Variants in GRM5 observed in about 807,000 individuals in gnomAD.
GRM5 encodes the protein glutamate metabotropic receptor 5.
Under a neutral mutation model 83.1 loss-of-function variants are expected in GRM5, and 19 were observed. That is an observed-to-expected ratio of 0.23 (90% CI 0.16 to 0.34). GRM5 has a LOEUF of 0.34. Ranked by LOEUF, GRM5 falls within the 10% of genes least tolerant of loss-of-function variation. The probability of loss-of-function intolerance (pLI) is 1.00; values close to 1 mark genes in which losing one functional copy is unlikely to be tolerated. For missense variants in GRM5, 1,160 were observed against 1,588.3 expected (o/e 0.73, Z 4.58); for synonymous variants, 675 against 633.6 (o/e 1.07, Z -0.98).
chr11:88,900,794 A>C (rs1440734205), intron 2 of GRM5, among the ~76,000 whole-genome samples: 4 of 152,284 alleles, frequency 2.6e-5, no homozygotes, highest in East Asian at 1.9e-4. Context: ...ATAAATACTA[A>C]GATAGAGGTA....
chr11:88,952,838 G>T (rs1389552064), intron 2 of GRM5, among the ~76,000 whole-genome samples: 1 of 152,092 alleles, frequency 6.6e-6, no homozygotes, highest in Non-Finnish European at 1.5e-5. Flanking sequence ...AACAGGAACA[G>T]ATGTCTATTT....
intron 2 of GRM5, among the ~76,000 whole-genome samples, chr11:88,876,555 G>A (rs1944856421): frequency 6.6e-6 from 1 of 152,102 alleles, no homozygotes. Flanking sequence ...AGACTGGTTA[G>A]TGTATCGGGG....
intron 3 of GRM5, among the ~76,000 whole-genome samples, chr11:88,681,060 G>T (rs16914532): frequency 0.018 from 2,717 of 152,154 alleles, 62 homozygotes; most frequent in East Asian, 0.094. Flanking sequence ...CTACACCTCA[G>T]ATTTTTCCCT....
chr11:89,047,896 T>A lies in GRM5; in HGVS notation c.-24A>T, dbSNP rs1449096689. The A allele has an allele frequency of 1.3e-6, 2 of 1,593,170 alleles. No homozygotes were observed. Among genetic ancestry groups the A allele is most frequent in the South Asian group, 2.2e-5 (2 of 89,730 alleles). On this transcript the variant is annotated 5_prime_UTR_variant, in exon 2 of 10. Transcript: ENST00000305447. The surrounding 1 kb of genome is among the most constrained non-coding windows in gnomAD (Gnocchi z 5.1). Reference sequence around the variant, plus strand: ...ATTTTAGGAAAGGAGTTCAAGCCAATAAAGATAGCATGGTGGGGAAAATTC... The same window carrying A: ...ATTTTAGGAAAGGAGTTCAAGCCAAAAAAGATAGCATGGTGGGGAAAATTC...
chr11:88,694,276 T>G (rs939565401), intron 3 of GRM5, among the ~76,000 whole-genome samples: 1 of 152,224 alleles, frequency 6.6e-6, no homozygotes, highest in African/African-American at 2.4e-5. Flanking sequence ...TATTGTGTTT[T>G]TCTTGAAGTG....
chr11:88,779,513 A>T (rs1172819210), intron 3 of GRM5, among the ~76,000 whole-genome samples: 4 of 152,190 alleles, frequency 2.6e-5, no homozygotes, highest in Non-Finnish European at 4.4e-5. Context: ...ACCCCCAATT[A>T]TCTGAAAATT....
intron 2 of GRM5, among the ~76,000 whole-genome samples, chr11:88,995,559 A>G (rs1423383036): frequency 6.6e-6 from 1 of 150,710 alleles, no homozygotes. Context: ...AAAAAAAAAA[A>G]AAAAAAAAAA....
chr11:89,053,398 A>C (rs1397053179), intron 1 of GRM5, among the ~76,000 whole-genome samples: 1 of 152,204 alleles, frequency 6.6e-6, no homozygotes, highest in Admixed American at 6.5e-5. Flanking sequence ...TTATAAGGTT[A>C]AATAGAAAGT....
At chr11:89,051,972 A>G (rs577544716) in intron 1 of GRM5, among the ~76,000 whole-genome samples, 2 of 152,326 alleles carry the variant, frequency 1.3e-5, no homozygotes, top group South Asian at 2.1e-4. Context: ...GTATTTGCTG[A>G]TAGACTAGAT....
At chr11:88,810,661 G>C (rs567452452) in intron 3 of GRM5, among the ~76,000 whole-genome samples, 1 of 152,154 alleles carries the variant, frequency 6.6e-6, no homozygotes, top group South Asian at 2.1e-4. Flanking sequence ...AGCTTTTACT[G>C]AGAAGCTGTA....
At chr11:88,585,050 G>A (rs1943285997) in intron 7 of GRM5, among the ~76,000 whole-genome samples, 1 of 152,186 alleles carries the variant, frequency 6.6e-6, no homozygotes, top group Non-Finnish European at 1.5e-5. Flanking sequence ...CATGTGAGAG[G>A]TGCCCTTCTT....
At chr11:88,886,093 C>G (rs1387852645) in intron 2 of GRM5, among the ~76,000 whole-genome samples, 1 of 152,176 alleles carries the variant, frequency 6.6e-6, no homozygotes, top group African/African-American at 2.4e-5. Context: ...ACTGCCTCCT[C>G]AAACTGGACT....
intron 3 of GRM5, among the ~76,000 whole-genome samples, chr11:88,828,293 C>T (rs11021486): frequency 0.026 from 3,933 of 152,174 alleles, 179 homozygotes; most frequent in African/African-American, 0.09. Context: ...AAGATAAACT[C>T]GTATACTTTA....
At chr11:88,989,452 C>G (rs4760904) in intron 2 of GRM5, among the ~76,000 whole-genome samples, 1 of 83,180 alleles carries the variant, frequency 1.2e-5, no homozygotes, top group South Asian at 5.8e-4. Context: ...GACAGATCAA[C>G]AAGACAGAAA....
intron 2 of GRM5, among the ~76,000 whole-genome samples, chr11:88,943,673 T>C (rs1469752259): frequency 6.6e-6 from 1 of 152,028 alleles, no homozygotes; most frequent in Non-Finnish European, 1.5e-5. Context: ...CAAAAAGTAG[T>C]TTTAGTATAG....
chr11:88,688,024 C>T (rs902159792), intron 3 of GRM5, among the ~76,000 whole-genome samples: 21 of 152,078 alleles, frequency 1.4e-4, no homozygotes, highest in Non-Finnish European at 2.4e-4. Flanking sequence ...TATTCACATA[C>T]ACACATTCAC....
intron 3 of GRM5, among the ~76,000 whole-genome samples, chr11:88,802,013 G>A (rs187058002): frequency 5.9e-5 from 9 of 152,078 alleles, no homozygotes; most frequent in South Asian, 2.1e-4. Flanking sequence ...AGAAACAAGC[G>A]TGGGGGAGGG....
At chr11:89,046,271 T>C (rs1411939395) in intron 2 of GRM5, among the ~76,000 whole-genome samples, 3 of 152,210 alleles carry the variant, frequency 2.0e-5, no homozygotes, top group Non-Finnish European at 4.4e-5. Context: ...TATATTGATA[T>C]GTTAATGCAG....
At chr11:88,528,463 C>T (rs1044405507) in intron 8 of GRM5, among the ~76,000 whole-genome samples, 18 of 152,094 alleles carry the variant, frequency 1.2e-4, no homozygotes, top group African/African-American at 3.6e-4. Flanking sequence ...TTAATAGTCT[C>T]AACTGTTGAG....
Sources: gnomAD v4.1 joint callset for allele counts (sites outside exome capture counted in the v4.1 genomes callset) on GRCh38, gnomAD v4.1.1 for gene constraint, Gnocchi (gnomAD v3.1) non-coding constraint, MANE v1.5 for transcripts, NCBI Gene and HGNC (gene_info 2026-07-23, HGNC 2026-07-21) for gene names.